PARL: variants seen among roughly 807,000 people sequenced by gnomAD.
PARL encodes the protein presenilin-associated rhomboid-like protein, mitochondrial.
PARL carries 44 observed loss-of-function variants against 51.6 expected under a neutral mutation model. The ratio of observed to expected loss-of-function variants is 0.85; its 90% CI spans 0.67 to 1.10. PARL has a LOEUF of 1.10. Ranked by LOEUF, PARL falls within the 50% of genes least tolerant of loss-of-function variation. PARL has a pLI of 0.00. For missense variants in PARL, 441 were observed against 469.5 expected (o/e 0.94, Z 0.56); for synonymous variants, 172 against 164.0 (o/e 1.05, Z -0.37).
At chr3:183,846,043 C>T (rs527744824) in intron 4 of PARL, among the ~76,000 whole-genome samples, 3 of 152,240 alleles carry the variant, frequency 2.0e-5, no homozygotes, top group African/African-American at 7.2e-5. Flanking sequence ...GCAACGACTA[C>T]TCTGCTTCCT....
intron 4 of PARL, among the ~76,000 whole-genome samples, chr3:183,854,531 A>G (rs1272470991): frequency 1.3e-5 from 2 of 152,172 alleles, no homozygotes; most frequent in Non-Finnish European, 2.9e-5. Flanking sequence ...TATCTAAAGT[A>G]GCCAAATGCA....
At chr3:183,874,178 C>T (rs569405913) in intron 1 of PARL, among the ~76,000 whole-genome samples, 223 of 152,140 alleles carry the variant, frequency 1.5e-3, no homozygotes, top group African/African-American at 5.2e-3. Flanking sequence ...GATGTTACTA[C>T]TGAAATTGTT....
At chr3:183,882,327 A>G (rs1056037834) in intron 1 of PARL, among the ~76,000 whole-genome samples, 66 of 145,972 alleles carry the variant, frequency 4.5e-4, no homozygotes, top group African/African-American at 1.6e-3. Context: ...ACACATATAT[A>G]CACATATATA....
In PARL at chr3:183,879,748, G is replaced by C. The variant is rs1033970964; in HGVS notation, c.125+4974C>G. ...TTTTGGTGGGCGGGGGGAGGTCCTC[G>C]CTCTGTCACCCAGGCTGGAGTGCAG... is the stretch of plus-strand genomic sequence containing the variant. On this transcript the variant is annotated intron_variant, in intron 1 of 9. Coordinates refer to ENST00000317096, the MANE Select transcript of PARL (RefSeq NM_018622.7). The C allele has an allele frequency of 1.9e-5, 18 of 971,146 alleles. No homozygotes were observed. The African/African-American group carries it at 2.8e-4, about 15-fold the overall frequency. 60.2% of individuals were successfully genotyped at this position (971,146 alleles called of 1,614,324 possible). A position where few individuals can be genotyped will look rare whatever the true frequency, so the allele number is the denominator to read the frequency against.
At chr3:183,883,516 T>A in intron 1 of PARL, 2 of 765,752 alleles carry the variant, frequency 2.6e-6, no homozygotes, top group South Asian at 1.2e-4. Flanking sequence ...GTGATCCACC[T>A]GCCTCAGCCT....
intron 4 of PARL, chr3:183,861,340 A>C: frequency 4.9e-6 from 2 of 407,644 alleles, no homozygotes; most frequent in Non-Finnish European, 6.6e-6. Flanking sequence ...TACTGTGTAC[A>C]TGATATATGC....
In PARL at chr3:183,834,334, A is replaced by G. The variant is rs185302250; in HGVS notation, c.829-509T>C. Among the ~76,000 whole-genome samples, 303 of 152,350 alleles carry G rather than the reference A, an allele frequency of 2.0e-3. 2 individuals carry two copies. The highest frequency in any genetic ancestry group is 7.0e-3 in the African/African-American group (292 of 41,580). ...CAGTGTGAGGCATGAGGATCCCTTA[A>G]GCCCAGGAGGTCAAGGTTACAGTGA... On this transcript the variant is annotated intron_variant, in intron 7 of 9. Transcript: ENST00000317096.
chr3:183,871,766 G>A (rs988895352), intron 1 of PARL, among the ~76,000 whole-genome samples: 11 of 152,120 alleles, frequency 7.2e-5, no homozygotes, highest in African/African-American at 2.2e-4. Flanking sequence ...CTGGGATGAC[G>A]GCCATCTTTA....
At chr3:183,861,227 T>C (rs1731791604) in intron 4 of PARL, 2 of 968,108 alleles carry the variant, frequency 2.1e-6, no homozygotes, top group Non-Finnish European at 2.5e-6. Flanking sequence ...CACTGACCTA[T>C]CAATTCTATG....
chr3:183,869,343 G>A (rs1732898139), intron 1 of PARL, among the ~76,000 whole-genome samples: 1 of 152,000 alleles, frequency 6.6e-6, no homozygotes, highest in African/African-American at 2.4e-5. Flanking sequence ...TAGTAGCTGG[G>A]ATTATAGGCA....
chr3:183,871,675 C>T (rs754588777), intron 1 of PARL, among the ~76,000 whole-genome samples: 10 of 152,112 alleles, frequency 6.6e-5, no homozygotes, highest in Non-Finnish European at 1.3e-4. Flanking sequence ...GACAGACACA[C>T]TAACCTGTAG....
At chr3:183,843,873 T>C (rs1729634580) in intron 5 of PARL, among the ~76,000 whole-genome samples, 1 of 151,022 alleles carries the variant, frequency 6.6e-6, no homozygotes, top group Admixed American at 6.6e-5. Flanking sequence ...ACCCTGTCTC[T>C]ATTAAAAATA....
intron 4 of PARL, among the ~76,000 whole-genome samples, chr3:183,845,350 G>A (rs1466634806): frequency 6.6e-6 from 1 of 152,148 alleles, no homozygotes; most frequent in Non-Finnish European, 1.5e-5. Context: ...CACTTGAGAG[G>A]TGGGAAAGGA....
Position 183,884,812 on chromosome 3 carries a change from C to G in PARL, c.35G>C (p.Gly12Ala), listed in dbSNP as rs1472547687. Residue 12 changes from glycine (G) to alanine (A), a missense_variant, in exon 1 of 10, where the codon GGC (glycine) becomes GCC (alanine). Physicochemically the swap from Gly to Ala is moderately conservative, Grantham distance 60. Coordinates refer to ENST00000317096, the MANE Select transcript of PARL (RefSeq NM_018622.7). ...CGACGCACCCCACGCCTGGCCGCAG[C>G]CCCAGCCTCTCTGCGCCCAGCCTCG... ...AWRGWAQRGWGCGQAWGASVG... is the reference protein window; with the variant it reads ...AWRGWAQRGWACGQAWGASVG... The G allele has an allele frequency of 2.5e-6, 4 of 1,597,028 alleles. No individual in the cohort carries two copies. In the East Asian group the frequency reaches 6.7e-5, roughly 27 times the overall value.
chr3:183,869,492 G>A (rs1468200857), intron 1 of PARL, among the ~76,000 whole-genome samples: 17 of 152,076 alleles, frequency 1.1e-4, no homozygotes, highest in Non-Finnish European at 2.5e-4. Context: ...ACAGGCATGA[G>A]CCACTGCGCC....
intron 9 of PARL, among the ~76,000 whole-genome samples, chr3:183,831,704 A>T: frequency 6.6e-6 from 1 of 152,216 alleles, no homozygotes; most frequent in East Asian, 1.9e-4. Flanking sequence ...AGTGGATACT[A>T]ATGGAGTCTT....
chr3:183,845,270 C>A (rs192045961), intron 4 of PARL, among the ~76,000 whole-genome samples: 1 of 152,106 alleles, frequency 6.6e-6, no homozygotes, highest in Non-Finnish European at 1.5e-5. Flanking sequence ...CTGTGGCTTC[C>A]GCAGTTGCTC....
rs755675651 is a variant in PARL, at chr3:183,884,831, A to C, written c.16T>G (p.Trp6Gly). The change falls in exon 1 of 10, where the codon TGG becomes GGG. Residue 6 changes from tryptophan to glycine, a missense_variant. Transcript: ENST00000317096. ...CCGCAGCCCCAGCCTCTCTGCGCCC[A>C]GCCTCGCCACGCCATCTTCCCAACC... MAWRG[W>G]AQRGWGCGQA... 2.5e-6 allele frequency: 4 copies of C among 1,597,408 alleles called. No homozygotes were observed. In the Admixed American group the frequency reaches 6.7e-5, roughly 27 times the overall value.
chr3:183,879,899 T>TG (rs1734247064), intron 1 of PARL: 1 of 138,044 alleles, frequency 7.2e-6, no homozygotes, highest in Non-Finnish European at 1.6e-5. Flanking sequence ...TTTTTTTTTT[T>TG]TTTGTATTTT....
Sources: allele counts gnomAD v4.1 joint callset (sites outside exome capture counted in the v4.1 genomes callset), GRCh38; gene constraint gnomAD v4.1.1; transcripts MANE v1.5; gene names NCBI Gene and HGNC (gene_info 2026-07-23, HGNC 2026-07-21).